Variants in COL12A1 observed in about 807,000 individuals in gnomAD.
The protein encoded by COL12A1 is collagen type XII alpha 1 chain.
In COL12A1, 114 loss-of-function variants were observed where a neutral mutation model predicts 349.7. The ratio of observed to expected loss-of-function variants is 0.33; its 90% CI spans 0.28 to 0.38. The LOEUF (loss-of-function observed/expected upper bound fraction) is 0.38. COL12A1 is among the 10% of genes least tolerant of loss of function. The pLI, the probability that COL12A1 is intolerant of heterozygous loss-of-function variation, is 1.00. For missense variants in COL12A1, 3,284 were observed against 3,756.9 expected, an observed-to-expected ratio of 0.87 and a Z score of 3.29; for synonymous variants, 1,369 against 1,329.0, an observed-to-expected ratio of 1.03 and a Z score of -0.66.
chr6:75,089,642 T>C (rs968551944), intron 63 of COL12A1, among the ~76,000 whole-genome samples: 2 of 152,216 alleles, frequency 1.3e-5, no homozygotes, highest in African/African-American at 4.8e-5. Flanking sequence ...CAAATAGTCC[T>C]GTTTTTCTCC....
At position 75,176,318 on chromosome 6, in the gene COL12A1, A is replaced by G. The variant is rs147759709; in HGVS notation, c.2438-1008T>C. 6.1e-3 allele frequency among the ~76,000 whole-genome samples: 922 copies of G among 150,266 alleles called. 10 individuals are homozygous for G. The highest frequency in any genetic ancestry group is 0.021 in the African/African-American group (870 of 40,752). On this transcript the variant is annotated intron_variant, in intron 12 of 65. Coordinates refer to ENST00000322507, the MANE Select transcript of COL12A1 (RefSeq NM_004370.6). ...ACAGTGTGAGGTGGGAGAGTGATGC[A>G]GTGGGAGGAGGGAGAGTGATGCAGT...
chr6:75,123,155 C>T (rs1765830428), intron 43 of COL12A1, among the ~76,000 whole-genome samples, 175 bp downstream of exon 43: 1 of 152,144 alleles, frequency 6.6e-6, no homozygotes, highest in Non-Finnish European at 1.5e-5. Flanking sequence ...AAAATGTGCC[C>T]AGAGATGGAG....
In COL12A1 at chr6:75,137,530, G is replaced by A. The variant is rs1766681718; in HGVS notation, c.5301C>T (p.Asn1767=). The A allele has an allele frequency of 6.2e-7, 1 of 1,613,890 alleles. No homozygotes were observed. The highest frequency in any genetic ancestry group is 8.5e-7 in the Non-Finnish European group (1 of 1,179,854). ...CAGGATCCCACTTAACAGTCAGGCT[G>A]TTAGATGTTGCATTGTACACTTGAA... ...RNLQVYNATS[N]SLTVKWDPAS... is the part of the protein sequence containing the mutation. Residue 1767 remains asparagine, a synonymous_variant, in exon 31 of 66, where the codon AAC becomes AAT. Coordinates refer to ENST00000322507, the MANE Select transcript of COL12A1 (RefSeq NM_004370.6).
chr6:75,124,171 A>T, intron 41 of COL12A1, 77 bp from the exon 42 acceptor site: 1 of 1,595,882 alleles, frequency 6.3e-7, no homozygotes, highest in Non-Finnish European at 8.6e-7. Context: ...GCATTGTTAT[A>T]AACAAAATGG....
chr6:75,183,132 A>C lies in COL12A1; in HGVS notation c.1809T>G (p.Asp603Glu). Residue 603 changes from aspartate to glutamate, a missense_variant, in exon 10 of 66, where the codon GAT (aspartate) becomes GAG (glutamate). By Grantham distance (45) the Asp-to-Glu change is conservative. Transcript: ENST00000322507. Reference protein sequence around the residue: ...ETHVFTVEDFDAFQRISFELT... With the variant: ...ETHVFTVEDFEAFQRISFELT... ...GTTCAAAAGATATCCTCTGAAAAGCATCAAAATCTTCCACTGTGAACACAT... is the reference window on the plus strand; with the variant it reads ...GTTCAAAAGATATCCTCTGAAAAGCCTCAAAATCTTCCACTGTGAACACAT... 1 of 1,614,154 alleles carries C rather than the reference A, an allele frequency of 6.2e-7. No homozygotes were observed. Among genetic ancestry groups the C allele is most frequent in the Non-Finnish European group, 8.5e-7 (1 of 1,180,024 alleles).
chr6:75,151,851 C>A lies in COL12A1; in HGVS notation c.4000+16G>T. 6.2e-7 allele frequency: 1 copy of A among 1,612,560 alleles called. No homozygotes were observed. The highest frequency in any genetic ancestry group is 8.5e-7 in the Non-Finnish European group (1 of 1,179,160). ...TTTGTAACCCCAGGGGCATCACTGT[C>A]CTTTTCAGTGCGTACCAATAGCAAA... On this transcript the variant is annotated intron_variant, in intron 20 of 65. Transcript: ENST00000322507.
In COL12A1 at chr6:75,117,448, C is replaced by T; in HGVS notation, c.7453G>A (p.Asp2485Asn). The T allele has an allele frequency of 6.2e-7, 1 of 1,613,728 alleles. No homozygotes were observed. Among genetic ancestry groups the T allele is most frequent in the Non-Finnish European group, 8.5e-7 (1 of 1,179,744 alleles). ...TCGATCTTCTCAAAAGATTCAAAGT[C>T]GTCCACAATGAACACGTGCCGTTCA... Reference protein sequence around the residue: ...PSERHVFIVDDFESFEKIEDN... With the variant: ...PSERHVFIVDNFESFEKIEDN... Residue 2485 changes from aspartate (D) to asparagine (N), a missense_variant, in exon 47 of 66, where the codon GAC (aspartate) becomes AAC (asparagine). Physicochemically the swap from Asp to Asn is conservative, Grantham distance 23. Transcript: ENST00000322507.
chr6:75,187,838 A>G (rs1769715696), intron 8 of COL12A1, among the ~76,000 whole-genome samples: 1 of 152,160 alleles, frequency 6.6e-6, no homozygotes, highest in South Asian at 2.1e-4. Context: ...AGTAATAACT[A>G]ATAGAAATGG....
intron 2 of COL12A1, among the ~76,000 whole-genome samples, chr6:75,200,093 G>C (rs1770448996): frequency 1.3e-5 from 2 of 152,146 alleles, no homozygotes; most frequent in Admixed American, 1.3e-4. Context: ...GTCCCAAGTT[G>C]AAATTTTGAA....
chr6:75,137,366 C>T (rs1238746661), intron 31 of COL12A1, 71 bp downstream of exon 31: 10 of 1,386,560 alleles, frequency 7.2e-6, no homozygotes, highest in African/African-American at 1.5e-5. Context: ...TAACTAAGCA[C>T]TGAGGGGGAA....
At chr6:75,101,731 T>A (rs1768314750) in intron 57 of COL12A1, 78 bp from the exon 58 acceptor site, 7 of 1,192,622 alleles carry the variant, frequency 5.9e-6, no homozygotes, top group South Asian at 5.0e-5. Context: ...ATTTTCCAAA[T>A]TTTTTTTTTA....
chr6:75,182,906 A>T, intron 10 of COL12A1, 144 bp downstream of exon 10: 1 of 1,031,606 alleles, frequency 9.7e-7, no homozygotes, highest in Non-Finnish European at 1.4e-6. Context: ...AGCTAAGAAA[A>T]CTAAGTTCAA....
intron 45 of COL12A1, 39 bp downstream of exon 45, chr6:75,119,311 A>G: frequency 6.2e-7 from 1 of 1,605,722 alleles, no homozygotes; most frequent in South Asian, 1.1e-5. Context: ...TTCTGCCACT[A>G]CAAATGCTTG....
chr6:75,101,495 G>T, intron 58 of COL12A1, 105 bp downstream of exon 58: 1 of 1,080,102 alleles, frequency 9.3e-7, no homozygotes, highest in East Asian at 2.5e-5. Flanking sequence ...CTTTCCACAA[G>T]ATATATTACC....
chr6:75,085,456 C>T lies in COL12A1; in HGVS notation c.*1091G>A, dbSNP rs1157482228. On this transcript the variant is annotated 3_prime_UTR_variant, in exon 66 of 66. Transcript: ENST00000322507. ...GCTAAATCATCACCCGCGGTGATGG[C>T]ACTCCAGTCTTAATCTCATAACTAT... The T allele has an allele frequency of 1.4e-5, 6 of 422,538 alleles. No homozygotes were observed. Among genetic ancestry groups the T allele is most frequent in the Non-Finnish European group, 3.0e-5 (6 of 196,966 alleles). The allele number at this position is 422,538 out of a possible 1,614,324, so 26.2% of individuals were successfully genotyped here. A position where few individuals can be genotyped will look rare whatever the true frequency, so the allele number is the denominator to read the frequency against.
chr6:75,086,453 G>T lies in COL12A1; in HGVS notation c.*94C>A. ...TTATCTGTGGTGAGATTTCCATACA[G>T]ACTCATTTCCTAATAAGCACGTGCG... is the stretch of plus-strand genomic sequence containing the variant. On this transcript the variant is annotated 3_prime_UTR_variant, in exon 66 of 66. Coordinates refer to ENST00000322507, the MANE Select transcript of COL12A1 (RefSeq NM_004370.6). The T allele has an allele frequency of 2.6e-6, 3 of 1,171,114 alleles. No homozygotes were observed. The highest frequency in any genetic ancestry group is 3.7e-6 in the Non-Finnish European group (3 of 815,036). 72.5% of individuals were successfully genotyped at this position (1,171,114 alleles called of 1,614,324 possible). A position where few individuals can be genotyped will look rare whatever the true frequency, so the allele number is the denominator to read the frequency against.
At chr6:75,150,664 C>T (rs1767434169) in intron 21 of COL12A1, among the ~76,000 whole-genome samples, 1 of 152,080 alleles carries the variant, frequency 6.6e-6, no homozygotes, top group South Asian at 2.1e-4. Context: ...AGTCTGGGAA[C>T]AACCATCCAA....
At chr6:75,167,204 G>A (rs1423293811) in intron 13 of COL12A1, among the ~76,000 whole-genome samples, 1 of 152,010 alleles carries the variant, frequency 6.6e-6, no homozygotes, top group Non-Finnish European at 1.5e-5. Context: ...AAAACTGTTT[G>A]TTTTATTTGG....
intron 23 of COL12A1, among the ~76,000 whole-genome samples, chr6:75,147,115 A>G (rs1767234809): frequency 6.6e-6 from 1 of 152,206 alleles, no homozygotes; most frequent in Admixed American, 6.5e-5. Context: ...AAGCACTTAG[A>G]GTTTCTCTAG....
Sources: gnomAD v4.1 joint callset for allele counts (sites outside exome capture counted in the v4.1 genomes callset) on GRCh38, gnomAD v4.1.1 for gene constraint, MANE v1.5 for transcripts, NCBI Gene and HGNC (gene_info 2026-07-23, HGNC 2026-07-21) for gene names.